Variants in OSBPL9 observed in about 807,000 individuals in gnomAD.
The protein encoded by OSBPL9 is oxysterol binding protein like 9, also known as oxysterol-binding protein-related protein 9.
OSBPL9 carries 40 observed loss-of-function variants against 106.6 expected under a neutral mutation model. That is an observed-to-expected ratio of 0.38 (90% CI 0.29 to 0.49). The LOEUF (loss-of-function observed/expected upper bound fraction) is 0.49, where lower values mean the gene tolerates loss of function less well. OSBPL9 is among the 20% of genes least tolerant of loss of function. The pLI, the probability that OSBPL9 is intolerant of heterozygous loss-of-function variation, is 0.97. For missense variants in OSBPL9, 609 were observed against 887.2 expected (o/e 0.69, Z 3.98); for synonymous variants, 269 against 295.4 (o/e 0.91, Z 0.92).
Position 51,681,171 on chromosome 1 carries a change from G to T in OSBPL9, c.241+11659G>T, listed in dbSNP as rs1037893395. ...GGAATACATTGCTTGGTAGGTATTA[G>T]TGTGAGGAGTAGATTAAGATATATA... On this transcript the variant is annotated intron_variant, in intron 3 of 23. Coordinates refer to ENST00000428468, the MANE Select transcript of OSBPL9 (RefSeq NM_024586.6). 6.6e-5 allele frequency among the ~76,000 whole-genome samples: 10 copies of T among 152,234 alleles called. 1 individual carries two copies. The highest frequency in any genetic ancestry group is 4.1e-4 in the South Asian group (2 of 4,826).
chr1:51,632,707 A>G (rs1042429264), intron 1 of OSBPL9, among the ~76,000 whole-genome samples: 1 of 136,826 alleles, frequency 7.3e-6, no homozygotes, highest in Non-Finnish European at 1.6e-5. Context: ...AGAATTTGTG[A>G]GTGATGGGTT....
At chr1:51,771,541 A>G (rs528177601) in intron 12 of OSBPL9, among the ~76,000 whole-genome samples, 2 of 152,326 alleles carry the variant, frequency 1.3e-5, no homozygotes, top group African/African-American at 4.8e-5. Flanking sequence ...CACAGGTATG[A>G]TAATCTATTA....
chr1:51,660,281 TG>T (rs1647058391), intron 2 of OSBPL9, among the ~76,000 whole-genome samples: 1 of 152,128 alleles, frequency 6.6e-6, no homozygotes, highest in African/African-American at 2.4e-5. Flanking sequence ...TAAACCACAA[TG>T]GCAAATATTT....
chr1:51,788,657 T>TA lies in OSBPL9; in HGVS notation c.*869dup, dbSNP rs201731779. Among the ~76,000 whole-genome samples the TA allele has an allele frequency of 5.0e-3, 765 of 152,264 alleles. 2 individuals are homozygous for TA. The highest frequency in any genetic ancestry group is 7.5e-3 in the Non-Finnish European group (509 of 68,010). ...TTCCCCAGAATCTTCACTTAACTCATATTGCACATGTAGGGCTGCCTACCA... is the reference window on the plus strand; with the variant it reads ...TTCCCCAGAATCTTCACTTAACTCATAATTGCACATGTAGGGCTGCCTACCA... On this transcript the variant is annotated 3_prime_UTR_variant, in exon 24 of 24. Coordinates refer to ENST00000428468, the MANE Select transcript of OSBPL9 (RefSeq NM_024586.6).
intron 1 of OSBPL9, among the ~76,000 whole-genome samples, chr1:51,641,936 T>C (rs574576749): frequency 3.2e-4 from 48 of 152,312 alleles, no homozygotes; most frequent in African/African-American, 1.1e-3. Flanking sequence ...CAGCATTCCT[T>C]AGATGTTTCT....
chr1:51,693,287 G>A lies in OSBPL9; in HGVS notation c.242-20716G>A, dbSNP rs533170459. The stretch of plus-strand genomic sequence containing the variant: ...CTTAGGAGGCTGAAGCAGGAGGGTC[G>A]CTTGAGCCCAGGAGGTCAAGGCTGC... On this transcript the variant is annotated intron_variant, in intron 3 of 23. Coordinates refer to ENST00000428468, the MANE Select transcript of OSBPL9 (RefSeq NM_024586.6). Among the ~76,000 whole-genome samples, 8 of 151,676 alleles carry A rather than the reference G, an allele frequency of 5.3e-5. No individual in the cohort carries two copies. The South Asian group carries it at 6.2e-4, about 12-fold the overall frequency.
At chr1:51,766,741 C>G (rs1426343275) in intron 12 of OSBPL9, among the ~76,000 whole-genome samples, 1 of 151,246 alleles carries the variant, frequency 6.6e-6, no homozygotes, top group Admixed American at 6.6e-5. Flanking sequence ...AAATCTGTCT[C>G]TCTGCACTGG....
chr1:51,673,547 A>G (rs1356834722), intron 3 of OSBPL9, among the ~76,000 whole-genome samples: 2 of 152,250 alleles, frequency 1.3e-5, no homozygotes, highest in Non-Finnish European at 2.9e-5. Context: ...GGAGAAAGCA[A>G]GAGAGAATGG....
At chr1:51,564,461 C>T in the OSBPL9 span, among the ~76,000 whole-genome samples, 3 of 152,220 alleles carry the variant, frequency 2.0e-5, no homozygotes, top group East Asian at 3.9e-4. Flanking sequence ...GTCAGTCCTT[C>T]CTTGTACCCC....
At chr1:51,764,909 C>T (rs544590098) in intron 11 of OSBPL9, among the ~76,000 whole-genome samples, 18 of 152,300 alleles carry the variant, frequency 1.2e-4, no homozygotes, top group South Asian at 6.2e-4. Context: ...TTGCTGTCTT[C>T]AATTTCTTCC....
intron 4 of OSBPL9, among the ~76,000 whole-genome samples, chr1:51,735,756 A>G (rs1385955524): frequency 6.6e-6 from 1 of 152,242 alleles, no homozygotes; most frequent in Non-Finnish European, 1.5e-5. Context: ...TATGTGTAAA[A>G]ATGTGCTCAG....
chr1:51,775,919 A>G (rs1397822479), intron 14 of OSBPL9, among the ~76,000 whole-genome samples: 2 of 152,102 alleles, frequency 1.3e-5, no homozygotes, highest in African/African-American at 2.4e-5. Context: ...CCTCCACCAC[A>G]GCTTTTAACA....
chr1:51,735,908 C>A (rs984163508), intron 4 of OSBPL9, among the ~76,000 whole-genome samples: 1 of 152,136 alleles, frequency 6.6e-6, no homozygotes, highest in African/African-American at 2.4e-5. Context: ...AACGTTTAGC[C>A]TTGGAAAAAT....
At chr1:51,531,988 A>G in the OSBPL9 span, among the ~76,000 whole-genome samples, 1 of 152,200 alleles carries the variant, frequency 6.6e-6, no homozygotes. Flanking sequence ...GGAAGGAGCA[A>G]GGAAGGAAGG....
intron 12 of OSBPL9, among the ~76,000 whole-genome samples, chr1:51,771,254 ATATC>A (rs1334164229): frequency 3.3e-5 from 5 of 152,244 alleles, no homozygotes; most frequent in African/African-American, 1.2e-4. Context: ...TGTTTTATAA[ATATC>A]TAAAGCGTGA....
intron 2 of OSBPL9, among the ~76,000 whole-genome samples, chr1:51,655,085 T>C (rs1646735931): frequency 6.6e-6 from 1 of 152,166 alleles, no homozygotes; most frequent in African/African-American, 2.4e-5. Flanking sequence ...ATAAATTTCA[T>C]GTTAGTATGT....
intron 3 of OSBPL9, among the ~76,000 whole-genome samples, chr1:51,671,916 A>G (rs1350680098): frequency 2.7e-4 from 41 of 152,138 alleles, no homozygotes; most frequent in Admixed American, 2.7e-3. Context: ...TCCCCAACAC[A>G]GTCATATACT....
chr1:51,542,632 C>T, the OSBPL9 span, among the ~76,000 whole-genome samples: 2 of 152,200 alleles, frequency 1.3e-5, no homozygotes, highest in Non-Finnish European at 2.9e-5. Flanking sequence ...AGGCACTCTA[C>T]TTTATACATA....
At chr1:51,640,596 T>C (rs570556144) in intron 1 of OSBPL9, among the ~76,000 whole-genome samples, 182 of 152,310 alleles carry the variant, frequency 1.2e-3, no homozygotes, top group African/African-American at 4.2e-3. Context: ...TTCCCCTGTG[T>C]TACTTGGGAG....
Sources: gnomAD v4.1 joint callset for allele counts (sites outside exome capture counted in the v4.1 genomes callset) on GRCh38, gnomAD v4.1.1 for gene constraint, MANE v1.5 for transcripts, NCBI Gene and HGNC (gene_info 2026-07-23, HGNC 2026-07-21) for gene names.